The following FUT8 variants were observed in gnomAD, a reference collection of about 807,000 sequenced individuals.
FUT8 encodes fucosyltransferase 8, also known as alpha-(1,6)-fucosyltransferase.
Under a neutral mutation model 71.3 loss-of-function variants are expected in FUT8, and 29 were observed. The ratio of observed to expected loss-of-function variants is 0.41; its 90% CI spans 0.30 to 0.55. The LOEUF (loss-of-function observed/expected upper bound fraction) is 0.55, where lower values mean the gene tolerates loss of function less well. Ranked by LOEUF, FUT8 falls within the 20% of genes least tolerant of loss-of-function variation. The pLI, the probability that FUT8 is intolerant of heterozygous loss-of-function variation, is 0.34. For missense variants in FUT8, 544 were observed against 702.1 expected, an observed-to-expected ratio of 0.77 and a Z score of 2.55; for synonymous variants, 254 against 239.3, an observed-to-expected ratio of 1.06 and a Z score of -0.57.
At chr14:65,504,068 GC>G (rs1340184501) in intron 2 of FUT8, among the ~76,000 whole-genome samples, 2 of 152,206 alleles carry the variant, frequency 1.3e-5, no homozygotes, top group African/African-American at 4.8e-5. Context: ...TGTGGGACAT[GC>G]TTTTTGTCCT....
At chr14:65,510,099 G>T (rs1882234425) in intron 2 of FUT8, among the ~76,000 whole-genome samples, 1 of 152,104 alleles carries the variant, frequency 6.6e-6, no homozygotes. Flanking sequence ...TTATGTTGAT[G>T]TGTGTTTCTT....
intron 2 of FUT8, among the ~76,000 whole-genome samples, chr14:65,556,841 T>G (rs914952327): frequency 6.6e-6 from 1 of 152,238 alleles, no homozygotes; most frequent in Admixed American, 6.5e-5. Context: ...CACTGATGAT[T>G]ATTTTATTTA....
chr14:65,600,407 C>T (rs1047791218), intron 3 of FUT8, among the ~76,000 whole-genome samples: 1 of 152,074 alleles, frequency 6.6e-6, no homozygotes, highest in African/African-American at 2.4e-5. Context: ...TACTATGTGT[C>T]GTGAGAATGT....
intron 6 of FUT8, among the ~76,000 whole-genome samples, chr14:65,640,072 A>G (rs1166792549): frequency 6.6e-6 from 1 of 152,108 alleles, no homozygotes; most frequent in Non-Finnish European, 1.5e-5. Context: ...CCTGGAATGG[A>G]AAAATGAGAG....
chr14:65,463,632 T>C (rs1188729430), intron 2 of FUT8, among the ~76,000 whole-genome samples: 1 of 152,180 alleles, frequency 6.6e-6, no homozygotes, highest in African/African-American at 2.4e-5. Context: ...CTTGAACTTT[T>C]GGTGTGGGCT....
chr14:65,552,173 T>G (rs1885326535), intron 2 of FUT8, among the ~76,000 whole-genome samples: 1 of 152,182 alleles, frequency 6.6e-6, no homozygotes, highest in South Asian at 2.1e-4. Flanking sequence ...GTGGAATAGT[T>G]TATATTCAGT....
intron 2 of FUT8, among the ~76,000 whole-genome samples, chr14:65,493,901 A>G (rs1050722340): frequency 2.0e-5 from 3 of 152,078 alleles, no homozygotes; most frequent in Middle Eastern, 3.2e-3. Flanking sequence ...AATTTATTCA[A>G]TATTTTAAGG....
At chr14:65,363,142 G>A in the FUT8 span, among the ~76,000 whole-genome samples, 12 of 152,052 alleles carry the variant, frequency 7.9e-5, no homozygotes, top group African/African-American at 2.7e-4. Flanking sequence ...TTCTTTTTGA[G>A]ATGGAATCTC....
rs1896579994 is a variant in FUT8, at chr14:65,742,982, A to C, written c.*572A>C. 6.6e-6 allele frequency: 1 copy of C among 150,420 alleles called. No homozygotes were observed. Among genetic ancestry groups the C allele is most frequent in the African/African-American group, 2.5e-5 (1 of 40,552 alleles). The allele number at this position is 150,420 out of a possible 1,614,324, so 9.3% of individuals were successfully genotyped here. A position where few individuals can be genotyped will look rare whatever the true frequency, so the allele number is the denominator to read the frequency against. The stretch of plus-strand genomic sequence containing the variant: ...TTTTTTTTTTTTAAATAATTGCATC[A>C]GTTCATTGACCTCATCATTAATAAG... On this transcript the variant is annotated 3_prime_UTR_variant, in exon 11 of 11. Coordinates refer to ENST00000673929, the MANE Select transcript of FUT8 (RefSeq NM_001371533.1).
chr14:65,659,994 G>C (rs919507617), intron 6 of FUT8, among the ~76,000 whole-genome samples: 7 of 152,136 alleles, frequency 4.6e-5, no homozygotes, highest in Non-Finnish European at 7.4e-5. Flanking sequence ...TGCTTGAGAA[G>C]ATACATTTTC....
At chr14:65,719,858 A>T (rs1379369506) in intron 7 of FUT8, among the ~76,000 whole-genome samples, 1 of 152,184 alleles carries the variant, frequency 6.6e-6, no homozygotes, top group African/African-American at 2.4e-5. Context: ...GGGAGTGGTG[A>T]CACAAGCACT....
intron 3 of FUT8, among the ~76,000 whole-genome samples, chr14:65,585,829 G>A (rs1367423038): frequency 6.6e-6 from 1 of 152,170 alleles, no homozygotes; most frequent in Admixed American, 6.5e-5. Context: ...GCCCCAGAAG[G>A]AAACTTGCTG....
intron 2 of FUT8, among the ~76,000 whole-genome samples, chr14:65,515,489 G>A (rs1184791998): frequency 6.6e-6 from 1 of 151,238 alleles, no homozygotes; most frequent in Non-Finnish European, 1.5e-5. Flanking sequence ...GGTAACTTCA[G>A]ATTTTAATAA....
rs1267121822 is a variant in FUT8, at chr14:65,616,342, GAATTTC to G, written c.452_457del (p.Glu151_Leu153delinsVal). On this transcript the variant is annotated inframe_deletion, in exon 5 of 11. Coordinates refer to ENST00000673929, the MANE Select transcript of FUT8 (RefSeq NM_001371533.1). ...AAATGAACTCCAAAGACATGCAGAT[GAATTTC>G]TTTTGGATTTAGGACATCATGAAAG... is the stretch of plus-strand genomic sequence containing the variant. 6.2e-7 allele frequency: 1 copy of G among 1,606,190 alleles called. No homozygotes were observed. Among genetic ancestry groups the G allele is most frequent in the Non-Finnish European group, 8.5e-7 (1 of 1,177,366 alleles).
intron 2 of FUT8, among the ~76,000 whole-genome samples, chr14:65,476,908 A>G (rs1029340136): frequency 2.6e-5 from 4 of 152,100 alleles, no homozygotes; most frequent in Non-Finnish European, 5.9e-5. Context: ...TTATGCATAA[A>G]CTTCAGCAAC....
At chr14:65,453,045 C>G (rs952636696) in intron 1 of FUT8, among the ~76,000 whole-genome samples, 3 of 151,870 alleles carry the variant, frequency 2.0e-5, no homozygotes, top group African/African-American at 7.3e-5. Context: ...TTTTTTTAAC[C>G]TGCTAGTTAA....
rs1036625876 is a variant in FUT8, at chr14:65,652,472, C to T, written c.598-16771C>T. 7.2e-5 allele frequency among the ~76,000 whole-genome samples: 11 copies of T among 152,166 alleles called. No individual in the cohort carries two copies. Among genetic ancestry groups the T allele is most frequent in the Admixed American group, 5.9e-4 (9 of 15,280 alleles). ...ATATGATGTGAGAAGCTTGAGAGGACATGATGCTTTGGAGCTGTTACAACC... is the reference window on the plus strand; with the variant it reads ...ATATGATGTGAGAAGCTTGAGAGGATATGATGCTTTGGAGCTGTTACAACC... On this transcript the variant is annotated intron_variant, in intron 6 of 10. Coordinates refer to ENST00000673929, the MANE Select transcript of FUT8 (RefSeq NM_001371533.1). This position sits in a 1 kb window ranked among gnomAD's most constrained non-coding sequence, Gnocchi z 4.0.
At chr14:65,611,286 CA>C (rs1888971698) in intron 3 of FUT8, among the ~76,000 whole-genome samples, 4 of 42,090 alleles carry the variant, frequency 9.5e-5, no homozygotes, top group East Asian at 1.2e-3. Context: ...CACACACACA[CA>C]CACACACACA....
intron 2 of FUT8, among the ~76,000 whole-genome samples, chr14:65,520,160 A>G (rs1475151473): frequency 6.6e-6 from 1 of 152,232 alleles, no homozygotes. Context: ...ACAAATGTGT[A>G]GTAGCAGGAA....
Sources: gnomAD v4.1 joint callset for allele counts (sites outside exome capture counted in the v4.1 genomes callset) on GRCh38, gnomAD v4.1.1 for gene constraint, Gnocchi (gnomAD v3.1) non-coding constraint, MANE v1.5 for transcripts, NCBI Gene and HGNC (gene_info 2026-07-23, HGNC 2026-07-21) for gene names.